Variants in LTBP1 observed in about 807,000 individuals in gnomAD.
The protein encoded by LTBP1 is latent transforming growth factor beta binding protein 1.
In LTBP1, 129 loss-of-function variants were observed where a neutral mutation model predicts 207.6. The observed-to-expected ratio is 0.62, with a 90% CI of 0.54 to 0.72. The LOEUF is 0.72. LTBP1 is among the 30% of genes least tolerant of loss of function. The pLI, the probability that LTBP1 is intolerant of heterozygous loss-of-function variation, is 0.00. For synonymous variants in LTBP1, 963 were observed against 833.7 expected, an observed-to-expected ratio of 1.16 and a Z score of -2.67; for missense variants, 2,281 against 2,217.2, an observed-to-expected ratio of 1.03 and a Z score of -0.58.
chr2:33,244,673 A>G (rs1039080004), intron 10 of LTBP1, among the ~76,000 whole-genome samples: 3 of 151,868 alleles, frequency 2.0e-5, no homozygotes, highest in Admixed American at 1.3e-4. Context: ...GGGTCTTGCT[A>G]TGTTGCCTAG....
At chr2:33,245,932 T>C (rs539495181) in intron 10 of LTBP1, among the ~76,000 whole-genome samples, 1 of 152,166 alleles carries the variant, frequency 6.6e-6, no homozygotes, top group African/African-American at 2.4e-5. Context: ...ATGTCTAGAG[T>C]TGAGGGCAGA....
At chr2:33,320,819 G>A (rs938192207) in intron 24 of LTBP1, among the ~76,000 whole-genome samples, 1 of 152,208 alleles carries the variant, frequency 6.6e-6, no homozygotes, top group East Asian at 1.9e-4. Flanking sequence ...CCAGTCTGGT[G>A]CAGGAGACTG....
intron 9 of LTBP1, among the ~76,000 whole-genome samples, chr2:33,225,377 G>A (rs2091374727): frequency 6.6e-6 from 1 of 152,162 alleles, no homozygotes; most frequent in Non-Finnish European, 1.5e-5. Context: ...ACATACCCGA[G>A]ACTGGGCATT....
At chr2:33,234,546 C>T (rs1186544749) in intron 9 of LTBP1, among the ~76,000 whole-genome samples, 1 of 152,084 alleles carries the variant, frequency 6.6e-6, no homozygotes, top group African/African-American at 2.4e-5. Flanking sequence ...AGGAGAACTA[C>T]AAACCACTGC....
At position 33,277,798 on chromosome 2, in the gene LTBP1, TC is replaced by T. The variant is rs1488780315; in HGVS notation, c.2992+1876del. 5.1e-3 allele frequency among the ~76,000 whole-genome samples: 503 copies of T among 98,818 alleles called. 6 individuals are homozygous for T. Among genetic ancestry groups the T allele is most frequent in the African/African-American group, 0.023 (478 of 21,058 alleles). The allele number at this position is 98,818 out of a possible 152,430, so 64.8% of individuals were successfully genotyped here. Reference sequence around the variant, plus strand: ...CTTTCTTTCTTTCTTTCTTTCTTTCTCTCTCTCTTTCTTTTTTTCTTTCTTT... The same window carrying T: ...CTTTCTTTCTTTCTTTCTTTCTTTCTTCTCTCTTTCTTTTTTTCTTTCTTT... On this transcript the variant is annotated intron_variant, in intron 18 of 33. Transcript: ENST00000404816.
intron 26 of LTBP1, among the ~76,000 whole-genome samples, chr2:33,358,460 A>G (rs2149995098): frequency 6.6e-6 from 1 of 151,742 alleles, no homozygotes; most frequent in South Asian, 2.1e-4. Flanking sequence ...TTAAATTTAT[A>G]TATATTTATA....
At chr2:33,382,468 C>T (rs562091700) in intron 31 of LTBP1, among the ~76,000 whole-genome samples, 52 of 152,166 alleles carry the variant, frequency 3.4e-4, no homozygotes, top group African/African-American at 1.2e-3. Context: ...TCCTCTTCTA[C>T]CTGGTTAACC....
chr2:33,083,801 C>A (rs568489979), intron 3 of LTBP1, among the ~76,000 whole-genome samples: 1 of 152,302 alleles, frequency 6.6e-6, no homozygotes, highest in African/African-American at 2.4e-5. Context: ...GAGAAACGAT[C>A]AGTGACTGAA....
intron 7 of LTBP1, among the ~76,000 whole-genome samples, chr2:33,215,635 A>G (rs1312256499): frequency 1.3e-5 from 2 of 150,308 alleles, no homozygotes; most frequent in African/African-American, 4.9e-5. Context: ...TCTGAGGGCC[A>G]CCACCTGCCT....
At chr2:33,348,094 A>G (rs1336653486) in intron 26 of LTBP1, among the ~76,000 whole-genome samples, 1 of 152,194 alleles carries the variant, frequency 6.6e-6, no homozygotes, top group Non-Finnish European at 1.5e-5. Context: ...AAATTAATCA[A>G]CTTCCCAATC....
In LTBP1 at chr2:33,337,164, T is replaced by C. The variant is rs1485160526; in HGVS notation, c.3731-5674T>C. Among the ~76,000 whole-genome samples, 3 of 152,344 alleles carry C rather than the reference T, an allele frequency of 2.0e-5. No homozygotes were observed. The East Asian group carries it at 5.8e-4, about 29-fold the overall frequency. ...CAGGTGTCTGGCCTTACACCTTTAT[T>C]TGAGAATTCGGGAGTGCATGGGTTC... is the stretch of plus-strand genomic sequence containing the variant. On this transcript the variant is annotated intron_variant, in intron 24 of 33. Coordinates refer to ENST00000404816, the MANE Select transcript of LTBP1 (RefSeq NM_206943.4).
At chr2:33,146,472 C>T (rs2083052527) in intron 5 of LTBP1, among the ~76,000 whole-genome samples, 1 of 152,314 alleles carries the variant, frequency 6.6e-6, no homozygotes, top group South Asian at 2.1e-4. Flanking sequence ...GCCTGTCTTG[C>T]TTTGCATGTC....
chr2:33,389,061 G>T, intron 31 of LTBP1, 123 bp from the exon 32 acceptor site: 1 of 1,343,162 alleles, frequency 7.4e-7, no homozygotes, highest in East Asian at 2.3e-5. Flanking sequence ...TCAGTGGTAC[G>T]CAGGAGATGG....
intron 2 of LTBP1, among the ~76,000 whole-genome samples, chr2:32,974,304 A>T: frequency 6.6e-6 from 1 of 151,618 alleles, no homozygotes; most frequent in Non-Finnish European, 1.5e-5. Flanking sequence ...CTGGGGTGAG[A>T]TGATATCTCA....
At chr2:33,158,416 C>T (rs540757174) in intron 5 of LTBP1, among the ~76,000 whole-genome samples, 59 of 152,232 alleles carry the variant, frequency 3.9e-4, no homozygotes, top group African/African-American at 1.2e-3. Context: ...TACTGCCCAC[C>T]GGAGCTTCTG....
chr2:33,181,012 A>G (rs1453010268), intron 5 of LTBP1, among the ~76,000 whole-genome samples: 1 of 152,178 alleles, frequency 6.6e-6, no homozygotes, highest in East Asian at 1.9e-4. Flanking sequence ...GTTCTGCAAA[A>G]GGACAGATAC....
intron 5 of LTBP1, among the ~76,000 whole-genome samples, chr2:33,164,899 G>C (rs2084790510): frequency 6.6e-6 from 1 of 152,190 alleles, no homozygotes; most frequent in African/African-American, 2.4e-5. Flanking sequence ...CTGAGAAGCA[G>C]GTCCACCTGA....
chr2:33,322,459 T>G lies in LTBP1; in HGVS notation c.3730+7190T>G, dbSNP rs144201121. ...ATACACATATTCCAGAAACAGTTAC[T>G]TTTTAGACATGTGATAGAATATTAA... On this transcript the variant is annotated intron_variant, in intron 24 of 33. Coordinates refer to ENST00000404816, the MANE Select transcript of LTBP1 (RefSeq NM_206943.4). Among the ~76,000 whole-genome samples the G allele has an allele frequency of 3.4e-3, 522 of 152,338 alleles. 2 individuals are homozygous for G. Among genetic ancestry groups the G allele is most frequent in the Non-Finnish European group, 5.7e-3 (386 of 68,026 alleles).
At chr2:33,226,750 T>C (rs1370120659) in intron 9 of LTBP1, among the ~76,000 whole-genome samples, 1 of 152,190 alleles carries the variant, frequency 6.6e-6, no homozygotes, top group African/African-American at 2.4e-5. Flanking sequence ...AGGAGTGTCT[T>C]TATGCTAATG....
Sources: allele counts gnomAD v4.1 joint callset (sites outside exome capture counted in the v4.1 genomes callset), GRCh38; gene constraint gnomAD v4.1.1; transcripts MANE v1.5; gene names NCBI Gene and HGNC (gene_info 2026-07-23, HGNC 2026-07-21).